NKAIN3: variants seen among roughly 807,000 people sequenced by gnomAD.
NKAIN3 encodes the protein sodium/potassium transporting ATPase interacting 3.
A neutral mutation model predicts 30.2 loss-of-function variants in NKAIN3; 25 were observed. That is an observed-to-expected ratio of 0.83 (90% CI 0.60 to 1.16). The LOEUF is 1.16. Among genes scored for constraint, NKAIN3 ranks in the 50% most tolerant of loss-of-function variants. The probability of loss-of-function intolerance (pLI) is 0.00; values close to 1 mark genes in which losing one functional copy is unlikely to be tolerated. For missense variants in NKAIN3, 225 were observed against 254.1 expected, an observed-to-expected ratio of 0.89 and a Z score of 0.78; for synonymous variants, 91 against 89.6, an observed-to-expected ratio of 1.02 and a Z score of -0.09.
At chr8:62,894,832 T>C (rs1821386388) in intron 4 of NKAIN3, among the ~76,000 whole-genome samples, 1 of 152,178 alleles carries the variant, frequency 6.6e-6, no homozygotes, top group Admixed American at 6.5e-5. Context: ...TCTCAGGATG[T>C]AGTTTTTATC....
chr8:62,562,922 C>A (rs79654766), intron 1 of NKAIN3, among the ~76,000 whole-genome samples: 1 of 151,990 alleles, frequency 6.6e-6, no homozygotes, highest in African/African-American at 2.4e-5. Context: ...ACTTTTGGCC[C>A]GTAACCCTGT....
chr8:62,482,825 G>A (rs1036771903), intron 1 of NKAIN3: 2 of 152,222 alleles, frequency 1.3e-5, no homozygotes, highest in Non-Finnish European at 2.9e-5. Flanking sequence ...ATATTAGCAG[G>A]AATTTTACTC....
At chr8:62,633,236 T>A (rs1473631629) in intron 3 of NKAIN3, among the ~76,000 whole-genome samples, 2 of 152,176 alleles carry the variant, frequency 1.3e-5, no homozygotes, top group Non-Finnish European at 2.9e-5. Context: ...TTTTAGAATA[T>A]TTTGAAAATG....
At chr8:62,839,316 A>C (rs963950666) in intron 4 of NKAIN3, among the ~76,000 whole-genome samples, 1 of 151,674 alleles carries the variant, frequency 6.6e-6, no homozygotes, top group Non-Finnish European at 1.5e-5. Flanking sequence ...AAAAAAAAAA[A>C]CAAAAACGAC....
At chr8:62,447,375 T>C (rs1563402903) in intron 1 of NKAIN3, among the ~76,000 whole-genome samples, 1 of 152,078 alleles carries the variant, frequency 6.6e-6, no homozygotes, top group Non-Finnish European at 1.5e-5. Context: ...TTTAGTGAGA[T>C]GAAGTCAAAC....
At chr8:62,537,636 TA>T (rs1423878489) in intron 1 of NKAIN3, among the ~76,000 whole-genome samples, 3 of 152,042 alleles carry the variant, frequency 2.0e-5, no homozygotes, top group Non-Finnish European at 4.4e-5. Context: ...TTATATCTAG[TA>T]ATGCTTTAAT....
intron 6 of NKAIN3, among the ~76,000 whole-genome samples, chr8:62,962,936 G>T (rs768941189): frequency 2.0e-5 from 3 of 151,750 alleles, no homozygotes; most frequent in Admixed American, 1.3e-4. Context: ...TTGTTGCCCA[G>T]GCTGGAGTGC....
chr8:62,322,943 A>G (rs149992012), intron 1 of NKAIN3, among the ~76,000 whole-genome samples: 210 of 152,338 alleles, frequency 1.4e-3, no homozygotes, highest in African/African-American at 4.8e-3. Flanking sequence ...CATCCACATC[A>G]TAACTCATCA....
intron 4 of NKAIN3, among the ~76,000 whole-genome samples, chr8:62,801,610 C>T (rs1243226405): frequency 1.3e-5 from 2 of 152,124 alleles, no homozygotes; most frequent in African/African-American, 4.8e-5. Context: ...ACACCAAAAA[C>T]CCATCTGTAC....
At chr8:62,393,182 A>C (rs1357749508) in intron 1 of NKAIN3, among the ~76,000 whole-genome samples, 1 of 152,108 alleles carries the variant, frequency 6.6e-6, no homozygotes, top group Non-Finnish European at 1.5e-5. Context: ...GTTGGTATTG[A>C]GGAAATTGAT....
At chr8:62,900,625 T>C (rs925850792) in intron 4 of NKAIN3, among the ~76,000 whole-genome samples, 3 of 152,234 alleles carry the variant, frequency 2.0e-5, no homozygotes, top group Non-Finnish European at 4.4e-5. Context: ...AGTGAATTAA[T>C]GAACATACAG....
chr8:62,904,418 A>C (rs1404752697), intron 4 of NKAIN3, among the ~76,000 whole-genome samples: 18 of 152,186 alleles, frequency 1.2e-4, no homozygotes, highest in Non-Finnish European at 2.4e-4. Flanking sequence ...TTCTTTCCAC[A>C]TGTTTATACT....
At chr8:62,732,177 A>T (rs1815489527) in intron 3 of NKAIN3, among the ~76,000 whole-genome samples, 1 of 152,152 alleles carries the variant, frequency 6.6e-6, no homozygotes, top group Non-Finnish European at 1.5e-5. Context: ...GAAAACTAAG[A>T]AAACTCTTAT....
At chr8:62,803,277 A>G (rs1473660210) in intron 4 of NKAIN3, among the ~76,000 whole-genome samples, 13 of 152,196 alleles carry the variant, frequency 8.5e-5, no homozygotes, top group Admixed American at 8.5e-4. Flanking sequence ...ATAGACATCT[A>G]CAGAACTCTC....
At chr8:62,331,766 G>C (rs1815367184) in intron 1 of NKAIN3, among the ~76,000 whole-genome samples, 1 of 152,056 alleles carries the variant, frequency 6.6e-6, no homozygotes, top group Admixed American at 6.6e-5. Flanking sequence ...ATAGCTCCAG[G>C]ACCAATAGGT....
chr8:62,367,015 T>C (rs1201819562), intron 1 of NKAIN3, among the ~76,000 whole-genome samples: 1 of 152,216 alleles, frequency 6.6e-6, no homozygotes, highest in African/African-American at 2.4e-5. Flanking sequence ...TTTCCTCCTG[T>C]TATTGATTCT....
intron 1 of NKAIN3, among the ~76,000 whole-genome samples, chr8:62,363,067 T>C (rs1816616609): frequency 1.3e-5 from 2 of 152,192 alleles, no homozygotes; most frequent in South Asian, 2.1e-4. Context: ...TATAGAAGTA[T>C]GGAGTTCTTC....
intron 1 of NKAIN3, among the ~76,000 whole-genome samples, chr8:62,507,366 C>T (rs1439382236): frequency 2.0e-5 from 3 of 152,156 alleles, no homozygotes; most frequent in Admixed American, 2.0e-4. Flanking sequence ...ACACAGCAGG[C>T]ACTCATTAAA....
At chr8:62,949,077 C>T (rs559498023) in intron 5 of NKAIN3, among the ~76,000 whole-genome samples, 1 of 152,178 alleles carries the variant, frequency 6.6e-6, no homozygotes, top group African/African-American at 2.4e-5. Context: ...CTCCCCATAG[C>T]CCCTGGAGGG....
Sources: allele counts gnomAD v4.1 joint callset (sites outside exome capture counted in the v4.1 genomes callset), GRCh38; gene constraint gnomAD v4.1.1; transcripts MANE v1.5; gene names NCBI Gene and HGNC (gene_info 2026-07-23, HGNC 2026-07-21).